ZNF532: variants seen among roughly 807,000 people sequenced by gnomAD.
The protein encoded by ZNF532 is zinc finger protein 532.
A neutral mutation model predicts 89.3 loss-of-function variants in ZNF532; 22 were observed. The ratio of observed to expected loss-of-function variants is 0.25; its 90% CI spans 0.18 to 0.35. ZNF532 has a LOEUF of 0.35. ZNF532 is among the 10% of genes least tolerant of loss of function. ZNF532 has a pLI of 1.00. For missense variants in ZNF532, 1,132 were observed against 1,643.4 expected (o/e 0.69, Z 5.38); for synonymous variants, 606 against 649.6 (o/e 0.93, Z 1.02).
At chr18:58,882,285 T>C (rs1336908502) in intron 2 of ZNF532, among the ~76,000 whole-genome samples, 4 of 152,232 alleles carry the variant, frequency 2.6e-5, no homozygotes, top group Admixed American at 2.6e-4. Flanking sequence ...TAACTTGTTC[T>C]TTCCTTAAGT....
intron 3 of ZNF532, among the ~76,000 whole-genome samples, chr18:58,922,119 AG>A (rs1300052787): frequency 6.6e-6 from 1 of 152,034 alleles, no homozygotes; most frequent in Non-Finnish European, 1.5e-5. Context: ...AAAAAAAAAA[AG>A]GAAAAAACTT....
intron 2 of ZNF532, among the ~76,000 whole-genome samples, chr18:58,889,832 C>A (rs2058755622): frequency 1.3e-5 from 2 of 151,424 alleles, no homozygotes; most frequent in Admixed American, 1.3e-4. Flanking sequence ...CGCCTGTAAT[C>A]CCAGCACTTT....
At chr18:58,951,790 C>T (rs749779292) in intron 6 of ZNF532, among the ~76,000 whole-genome samples, 19 of 152,074 alleles carry the variant, frequency 1.2e-4, no homozygotes, top group East Asian at 5.8e-4. Flanking sequence ...GATGGGACTA[C>T]AGGCACCTGC....
At chr18:58,899,788 A>G (rs1173384697) in intron 2 of ZNF532, among the ~76,000 whole-genome samples, 1 of 152,098 alleles carries the variant, frequency 6.6e-6, no homozygotes, top group Non-Finnish European at 1.5e-5. Flanking sequence ...TTTTAGTCAG[A>G]TGTTGGACCA....
intron 7 of ZNF532, among the ~76,000 whole-genome samples, chr18:58,974,558 C>A (rs753948432): frequency 3.3e-5 from 5 of 152,220 alleles, no homozygotes; most frequent in Non-Finnish European, 5.9e-5. Context: ...TTTATCAGAA[C>A]AATGGGAGCT....
At chr18:58,983,590 C>T (rs2068087523) in intron 9 of ZNF532, among the ~76,000 whole-genome samples, 3 of 149,088 alleles carry the variant, frequency 2.0e-5, no homozygotes, top group Admixed American at 2.0e-4. Context: ...ACCTAGCAGC[C>T]ACACATATAC....
At chr18:58,966,958 G>GTTA (rs1388298351) in intron 7 of ZNF532, among the ~76,000 whole-genome samples, 1 of 152,110 alleles carries the variant, frequency 6.6e-6, no homozygotes, top group Non-Finnish European at 1.5e-5. Context: ...TCTTGTTATT[G>GTTA]TTATGGTGTG....
At chr18:58,874,394 G>T (rs1364766609) in intron 2 of ZNF532, among the ~76,000 whole-genome samples, 1 of 152,046 alleles carries the variant, frequency 6.6e-6, no homozygotes, top group African/African-American at 2.4e-5. Context: ...GCCCAGGTTG[G>T]AGTGCAATGG....
intron 2 of ZNF532, among the ~76,000 whole-genome samples, chr18:58,916,035 A>T (rs1393303052): frequency 1.3e-5 from 2 of 152,254 alleles, no homozygotes; most frequent in East Asian, 3.8e-4. Flanking sequence ...GCTTTGCATC[A>T]GTTAAAAATC....
chr18:58,984,198 C>T lies in ZNF532; in HGVS notation c.3638C>T (p.Thr1213Met), dbSNP rs1173697479. The change falls in exon 10 of 10, where the codon ACG becomes ATG. Residue 1213 changes from threonine to methionine, a missense_variant. This residue lies in a region of ZNF532 where 415 missense variants were observed against 604.8 expected (regional missense o/e 0.69). Transcript: ENST00000591808. ...YQCRECGLCY[T>M]SHVSLSRHLF... ...TGCCGGGAGTGTGGCCTCTGCTACA[C>T]GTCTCACGTCTCTCTGTCCAGGCAC... 6.2e-7 allele frequency: 1 copy of T among 1,611,904 alleles called. No individual in the cohort carries two copies. The highest frequency in any genetic ancestry group is 1.3e-5 in the African/African-American group (1 of 74,930).
At chr18:58,905,586 G>T (rs945241436) in intron 2 of ZNF532, among the ~76,000 whole-genome samples, 1 of 152,040 alleles carries the variant, frequency 6.6e-6, no homozygotes, top group African/African-American at 2.4e-5. Context: ...TTTTTGTAGA[G>T]ATGGAGTTTT....
intron 5 of ZNF532, among the ~76,000 whole-genome samples, chr18:58,942,392 TTCCTTCCTTCCTTCC>T (rs1475390802): frequency 1.5e-5 from 2 of 137,442 alleles, no homozygotes; most frequent in African/African-American, 5.6e-5. Context: ...CCTTCCTTCC[TTCCTTCCTTCCTTCC>T]TAAGTGCAAG....
intron 2 of ZNF532, among the ~76,000 whole-genome samples, chr18:58,888,741 T>TTTTATATATATATAAAATACATATATAA (rs1555709058): frequency 0.021 from 638 of 30,434 alleles, 55 homozygotes; most frequent in Non-Finnish European, 0.028. Flanking sequence ...TATATATATA[T>TTTTATATATATATAAAATACATATATAA]TTTATATATA....
At chr18:58,899,127 C>G (rs977043772) in intron 2 of ZNF532, among the ~76,000 whole-genome samples, 27 of 152,194 alleles carry the variant, frequency 1.8e-4, no homozygotes, top group Admixed American at 1.4e-3. Flanking sequence ...ACAGCGAGTC[C>G]GTGTGATTGT....
chr18:58,932,314 G>T (rs528716087), intron 3 of ZNF532: 1 of 152,200 alleles, frequency 6.6e-6, no homozygotes, highest in Non-Finnish European at 1.5e-5. Context: ...GTAATTCCTT[G>T]TGCATCTTAT....
rs577548348 is a variant in ZNF532, at chr18:58,970,997, G to A, written c.3151-8058G>A. Reference sequence around the variant, plus strand: ...GCCCTAAGCTCAGAAACTACGGTGCGACACGTTTCTTTGCCATCTGCTCCG... The same window carrying A: ...GCCCTAAGCTCAGAAACTACGGTGCAACACGTTTCTTTGCCATCTGCTCCG... On this transcript the variant is annotated intron_variant, in intron 7 of 9. Coordinates refer to ENST00000591808, the MANE Select transcript of ZNF532 (RefSeq NM_001375912.1). Among the ~76,000 whole-genome samples the A allele has an allele frequency of 4.6e-5, 7 of 152,292 alleles. No individual in the cohort carries two copies. In the South Asian group the frequency reaches 8.3e-4, roughly 18 times the overall value.
At chr18:58,902,897 G>A (rs1194468800) in intron 2 of ZNF532, among the ~76,000 whole-genome samples, 2 of 152,062 alleles carry the variant, frequency 1.3e-5, no homozygotes, top group Non-Finnish European at 2.9e-5. Context: ...GTAGGGAACC[G>A]GTGCCAGCAC....
intron 3 of ZNF532, among the ~76,000 whole-genome samples, chr18:58,923,864 T>TA (rs1326635782): frequency 2.1e-5 from 2 of 95,934 alleles, no homozygotes; most frequent in Non-Finnish European, 5.8e-5. Flanking sequence ...ATATTCCATA[T>TA]TTTTTTTTTT....
At chr18:58,879,483 C>T (rs190464673) in intron 2 of ZNF532, among the ~76,000 whole-genome samples, 8 of 152,194 alleles carry the variant, frequency 5.3e-5, no homozygotes, top group South Asian at 2.1e-4. Flanking sequence ...CTGCAGCCTC[C>T]GCCTCCCGGA....
Sources: allele counts gnomAD v4.1 joint callset (sites outside exome capture counted in the v4.1 genomes callset), GRCh38; gene constraint gnomAD v4.1.1; regional missense constraint gnomAD v4.1.1; transcripts MANE v1.5; gene names NCBI Gene and HGNC (gene_info 2026-07-23, HGNC 2026-07-21).